MAGI2: variants seen among roughly 807,000 people sequenced by gnomAD.
The protein encoded by MAGI2 is membrane associated guanylate kinase, WW and PDZ domain containing 2.
A neutral mutation model predicts 133.3 loss-of-function variants in MAGI2; 35 were observed. That is an observed-to-expected ratio of 0.26 (90% CI 0.20 to 0.35). The LOEUF is 0.35. Among genes scored for constraint, MAGI2 ranks in the 10% least tolerant of loss-of-function variants. The pLI is 1.00. For missense variants in MAGI2, 1,636 were observed against 1,863.4 expected (o/e 0.88, Z 2.25); for synonymous variants, 729 against 710.6 (o/e 1.03, Z -0.41).
chr7:78,840,814 T>G (rs1792073498), intron 2 of MAGI2, among the ~76,000 whole-genome samples: 1 of 140,500 alleles, frequency 7.1e-6, no homozygotes, highest in Non-Finnish European at 1.5e-5. Flanking sequence ...TTGGGCAAAT[T>G]ATTAAAACTT....
At chr7:78,056,863 C>T (rs1193856897) in intron 21 of MAGI2, among the ~76,000 whole-genome samples, 1 of 152,122 alleles carries the variant, frequency 6.6e-6, no homozygotes, top group Non-Finnish European at 1.5e-5. Flanking sequence ...GGTGTACACA[C>T]ACACTGACAC....
chr7:78,891,010 A>C (rs1796701236), intron 2 of MAGI2, among the ~76,000 whole-genome samples: 1 of 152,214 alleles, frequency 6.6e-6, no homozygotes, highest in Non-Finnish European at 1.5e-5. Flanking sequence ...AAGAGAGAAG[A>C]ATCAAATAGA....
In MAGI2 at chr7:78,752,001, A is replaced by T. The variant is rs189427746; in HGVS notation, c.419-124762T>A. On this transcript the variant is annotated intron_variant, in intron 2 of 21. Coordinates refer to ENST00000354212, the MANE Select transcript of MAGI2 (RefSeq NM_012301.4). Reference sequence around the variant, plus strand: ...ACCCTTCAATCAAAGATCACCAGAAAACAAGGAAGAACATATACCACAGGG... The same window carrying T: ...ACCCTTCAATCAAAGATCACCAGAATACAAGGAAGAACATATACCACAGGG... 7.4e-4 allele frequency among the ~76,000 whole-genome samples: 113 copies of T among 152,362 alleles called. 2 individuals carry two copies. The highest frequency in any genetic ancestry group is 1.4e-3 in the Non-Finnish European group (95 of 68,036).
chr7:79,048,483 T>C (rs1270464241), intron 1 of MAGI2, among the ~76,000 whole-genome samples: 3 of 152,208 alleles, frequency 2.0e-5, no homozygotes, highest in South Asian at 2.1e-4. Flanking sequence ...TTACTACAAG[T>C]CTTACTGCTA....
chr7:78,652,038 A>G (rs1053192496), intron 2 of MAGI2, among the ~76,000 whole-genome samples: 1 of 152,182 alleles, frequency 6.6e-6, no homozygotes, highest in Non-Finnish European at 1.5e-5. Flanking sequence ...AAGAAAATTT[A>G]GAAAACCTAT....
chr7:79,086,216 C>T (rs10253328), intron 1 of MAGI2, among the ~76,000 whole-genome samples: 126,235 of 151,758 alleles, frequency 0.83, 53,010 homozygotes, highest in Non-Finnish European at 0.86. Context: ...GACTGAACTC[C>T]AAGTCAGGTC....
intron 1 of MAGI2, among the ~76,000 whole-genome samples, chr7:79,435,345 T>C (rs1013370680): frequency 2.0e-5 from 3 of 152,214 alleles, no homozygotes; most frequent in Non-Finnish European, 4.4e-5. Context: ...ATGCTGCCTG[T>C]CCTTGATGAG....
chr7:78,888,131 G>C (rs547493528), intron 2 of MAGI2, among the ~76,000 whole-genome samples: 73 of 152,314 alleles, frequency 4.8e-4, no homozygotes, highest in African/African-American at 1.7e-3. Flanking sequence ...CTCGCTCATT[G>C]CTAGCACAGA....
At chr7:78,687,450 G>A (rs12673024) in intron 2 of MAGI2, among the ~76,000 whole-genome samples, 67,038 of 151,936 alleles carry the variant, frequency 0.44, 14,916 homozygotes, top group Middle Eastern at 0.52. Flanking sequence ...GGAAATGCTA[G>A]GCATAATTTT....
chr7:78,518,623 C>A (rs1164582149), intron 4 of MAGI2: 1 of 151,990 alleles, frequency 6.6e-6, no homozygotes, highest in Non-Finnish European at 1.5e-5. Context: ...CCAAATGTGC[C>A]TCATTGATTA....
At chr7:78,628,568 T>G (rs1339335377) in intron 2 of MAGI2, among the ~76,000 whole-genome samples, 1 of 151,892 alleles carries the variant, frequency 6.6e-6, no homozygotes, top group Non-Finnish European at 1.5e-5. Context: ...AAATGAATAA[T>G]TCCTATTGAA....
chr7:78,198,704 A>G (rs915538737), intron 11 of MAGI2, among the ~76,000 whole-genome samples: 2 of 152,256 alleles, frequency 1.3e-5, no homozygotes, highest in African/African-American at 4.8e-5. Context: ...GAGTAGAGAG[A>G]TTATGAATGA....
chr7:78,872,554 T>C lies in MAGI2; in HGVS notation c.418+134536A>G, dbSNP rs186587067. ...AACCATAAGTCAAAATAATACTGAA[T>C]AGTAAAATATTAGTGATAGTCCCGT... On this transcript the variant is annotated intron_variant, in intron 2 of 21. Transcript: ENST00000354212. 1.5e-3 allele frequency among the ~76,000 whole-genome samples: 232 copies of C among 151,714 alleles called. 1 individual carries two copies. Among genetic ancestry groups the C allele is most frequent in the Non-Finnish European group, 1.8e-3 (125 of 67,868 alleles).
chr7:79,270,027 G>A (rs1249498177), intron 1 of MAGI2, among the ~76,000 whole-genome samples: 1 of 152,064 alleles, frequency 6.6e-6, no homozygotes, highest in African/African-American at 2.4e-5. Context: ...GACTTTTTTA[G>A]AGATTCTTTT....
Position 78,622,605 on chromosome 7 carries a change from C to CA in MAGI2, c.538+4514dup, listed in dbSNP as rs536513661. Among the ~76,000 whole-genome samples the CA allele has an allele frequency of 3.4e-3, 509 of 151,922 alleles. 5 individuals carry two copies. The highest frequency in any genetic ancestry group is 0.012 in the African/African-American group (481 of 41,462). Reference sequence around the variant, plus strand: ...TTAGTTTTCCCTGACAAAATGAAAACAAAAAACAAAACTCCCAAAAAACAC... The same window carrying CA: ...TTAGTTTTCCCTGACAAAATGAAAACAAAAAAACAAAACTCCCAAAAAACAC... On this transcript the variant is annotated intron_variant, in intron 3 of 21. Transcript: ENST00000354212.
At chr7:79,174,462 G>A (rs1182538740) in intron 1 of MAGI2, among the ~76,000 whole-genome samples, 1 of 151,932 alleles carries the variant, frequency 6.6e-6, no homozygotes, top group East Asian at 1.9e-4. Context: ...CAAAAGTGAT[G>A]AGAACATGAC....
chr7:78,980,406 C>T (rs1804674947), intron 2 of MAGI2, among the ~76,000 whole-genome samples: 1 of 151,780 alleles, frequency 6.6e-6, no homozygotes, highest in Non-Finnish European at 1.5e-5. Context: ...AACTAAGTGA[C>T]TTTTTGTGGT....
chr7:78,875,672 T>C (rs529056041), intron 2 of MAGI2, among the ~76,000 whole-genome samples: 2 of 152,156 alleles, frequency 1.3e-5, no homozygotes, highest in Non-Finnish European at 2.9e-5. Flanking sequence ...AAATGACCAA[T>C]TTCAACCCAA....
chr7:78,336,962 A>G (rs1789839322), intron 9 of MAGI2, among the ~76,000 whole-genome samples: 1 of 152,192 alleles, frequency 6.6e-6, no homozygotes, highest in Non-Finnish European at 1.5e-5. Context: ...GAAGCACTTC[A>G]TGAATAGGTT....
Sources: gnomAD v4.1 joint callset for allele counts (sites outside exome capture counted in the v4.1 genomes callset) on GRCh38, gnomAD v4.1.1 for gene constraint, MANE v1.5 for transcripts, NCBI Gene and HGNC (gene_info 2026-07-23, HGNC 2026-07-21) for gene names.